PLD5: variants seen among roughly 807,000 people sequenced by gnomAD.
PLD5 encodes the protein phospholipase D family member 5, also known as inactive phospholipase D5.
In PLD5, 36 loss-of-function variants were observed where a neutral mutation model predicts 61.1. The observed-to-expected ratio is 0.59, with a 90% CI of 0.45 to 0.78. The LOEUF is 0.78. PLD5 is among the 30% of genes least tolerant of loss of function. The pLI, the probability that PLD5 is intolerant of heterozygous loss-of-function variation, is 0.00. For synonymous variants in PLD5, 243 were observed against 242.8 expected, an observed-to-expected ratio of 1.00 and a Z score of -0.01; for missense variants, 515 against 644.4, an observed-to-expected ratio of 0.80 and a Z score of 2.17.
At chr1:242,237,011 A>C (rs380005) in intron 4 of PLD5, among the ~76,000 whole-genome samples, 3 of 152,076 alleles carry the variant, frequency 2.0e-5, no homozygotes, top group Non-Finnish European at 2.9e-5. Flanking sequence ...TGTTCTTTTC[A>C]CACAGACAAG....
At chr1:242,494,040 A>G (rs1022201656) in intron 1 of PLD5, among the ~76,000 whole-genome samples, 1 of 150,286 alleles carries the variant, frequency 6.7e-6, no homozygotes, top group Admixed American at 6.6e-5. Flanking sequence ...TTGCCTTTGC[A>G]TTGGTATGCT....
At chr1:242,459,277 T>A (rs1273837718) in intron 1 of PLD5, among the ~76,000 whole-genome samples, 2 of 152,184 alleles carry the variant, frequency 1.3e-5, no homozygotes, top group African/African-American at 4.8e-5. Context: ...ATAATTTAAG[T>A]TTAGACATAA....
At chr1:242,329,045 G>A (rs988485478) in intron 2 of PLD5, among the ~76,000 whole-genome samples, 2 of 150,610 alleles carry the variant, frequency 1.3e-5, no homozygotes, top group African/African-American at 2.4e-5. Flanking sequence ...GTCTCGCTCT[G>A]TCACCCAGGG....
intron 7 of PLD5, among the ~76,000 whole-genome samples, chr1:242,110,104 T>A (rs1038924590): frequency 2.1e-5 from 3 of 145,222 alleles, no homozygotes; most frequent in Admixed American, 7.0e-5. Flanking sequence ...TATTATATTA[T>A]CATAAAGGCC....
At chr1:242,457,063 C>T (rs1430853945) in intron 1 of PLD5, among the ~76,000 whole-genome samples, 2 of 152,286 alleles carry the variant, frequency 1.3e-5, no homozygotes, top group East Asian at 3.9e-4. Context: ...GGTCTCTGGG[C>T]TCCCTGTCAA....
chr1:242,207,784 T>TTATATATA (rs1553324791), intron 5 of PLD5, among the ~76,000 whole-genome samples: 1 of 61,338 alleles, frequency 1.6e-5, no homozygotes, highest in Non-Finnish European at 2.8e-5. Flanking sequence ...TTATATATAT[T>TTATATATA]TATATTTATA....
intron 2 of PLD5, among the ~76,000 whole-genome samples, chr1:242,322,878 A>G (rs914199262): frequency 6.6e-6 from 1 of 152,132 alleles, no homozygotes; most frequent in Non-Finnish European, 1.5e-5. Context: ...ATAGCAGTGG[A>G]CTAATACATA....
chr1:242,182,638 T>C (rs1232773005), intron 5 of PLD5, among the ~76,000 whole-genome samples: 1 of 151,532 alleles, frequency 6.6e-6, no homozygotes, highest in African/African-American at 2.4e-5. Flanking sequence ...AGATCAGGAG[T>C]TCAAGATCAG....
intron 2 of PLD5, among the ~76,000 whole-genome samples, chr1:242,339,722 C>T (rs1476824879): frequency 6.6e-6 from 1 of 152,166 alleles, no homozygotes; most frequent in Non-Finnish European, 1.5e-5. Context: ...AGGAACATCT[C>T]TTCCTCTGAG....
At chr1:242,094,556 A>AT (rs11436471) in intron 9 of PLD5, among the ~76,000 whole-genome samples, 3,280 of 151,708 alleles carry the variant, frequency 0.022, 122 homozygotes, top group African/African-American at 0.074. Context: ...TTATTGATGG[A>AT]TTTTTTTTTC....
At chr1:242,349,041 G>A (rs1013621979) in intron 1 of PLD5, among the ~76,000 whole-genome samples, 18 of 152,120 alleles carry the variant, frequency 1.2e-4, no homozygotes, top group East Asian at 3.8e-4. Context: ...GTGACAGAGC[G>A]AGACTCCATC....
intron 5 of PLD5, among the ~76,000 whole-genome samples, chr1:242,190,267 T>A (rs558521595): frequency 4.8e-5 from 7 of 146,860 alleles, no homozygotes; most frequent in African/African-American, 1.3e-4. Flanking sequence ...TATCTCAGCC[T>A]CCCAAGTAGC....
intron 3 of PLD5, among the ~76,000 whole-genome samples, chr1:242,285,229 T>C (rs1674953644): frequency 6.6e-6 from 1 of 152,232 alleles, no homozygotes; most frequent in South Asian, 2.1e-4. Flanking sequence ...TCTACCTTTC[T>C]ACATCAATAA....
In PLD5 at chr1:242,319,214, G is replaced by A. The variant is rs377743892; in HGVS notation, c.326+28892C>T. On this transcript the variant is annotated intron_variant, in intron 2 of 9. Coordinates refer to ENST00000536534, the MANE Select transcript of PLD5 (RefSeq NM_001372062.1). ...ATTTTGCCAGGGAGAGAATCCCAGA[G>A]CTTCAATTATAACATTATCAACACA... 8.5e-5 allele frequency among the ~76,000 whole-genome samples: 13 copies of A among 152,056 alleles called. No individual in the cohort carries two copies. In the East Asian group the frequency reaches 2.3e-3, roughly 27 times the overall value.
intron 1 of PLD5, among the ~76,000 whole-genome samples, chr1:242,383,386 C>T (rs1662414506): frequency 1.3e-5 from 2 of 151,888 alleles, no homozygotes. Flanking sequence ...TTGTCTATGT[C>T]CTCATTTTTA....
intron 5 of PLD5, among the ~76,000 whole-genome samples, chr1:242,170,017 T>G (rs1666628658): frequency 6.6e-6 from 1 of 152,222 alleles, no homozygotes; most frequent in Non-Finnish European, 1.5e-5. Flanking sequence ...TTCAACAGAC[T>G]TAAACGCCCC....
intron 1 of PLD5, among the ~76,000 whole-genome samples, chr1:242,520,330 TC>T (rs1332703020): frequency 2.0e-5 from 3 of 152,194 alleles, no homozygotes; most frequent in African/African-American, 7.2e-5. Flanking sequence ...AAGTATACTT[TC>T]GTGGTGTCCG....
At chr1:242,283,567 A>T (rs913911112) in intron 3 of PLD5, among the ~76,000 whole-genome samples, 5 of 152,218 alleles carry the variant, frequency 3.3e-5, no homozygotes, top group African/African-American at 1.2e-4. Context: ...AAAAAAATTA[A>T]TGAAAAAGAA....
In PLD5 at chr1:242,089,135, A is replaced by G. The variant is rs1659622015; in HGVS notation, c.*719T>C. 6 of 391,740 alleles carry G rather than the reference A, an allele frequency of 1.5e-5. No individual in the cohort carries two copies. The highest frequency in any genetic ancestry group is 2.3e-5 in the Non-Finnish European group (5 of 222,206). The allele number at this position is 391,740 out of a possible 1,614,324, so 24.3% of individuals were successfully genotyped here. On this transcript the variant is annotated 3_prime_UTR_variant, in exon 10 of 10. Coordinates refer to ENST00000536534, the MANE Select transcript of PLD5 (RefSeq NM_001372062.1). ...AAAAAAGGATTCAGTTGAAAGGTGA[A>G]AATGAAAGACTGCTATTTCCACTTA...
Sources: gnomAD v4.1 joint callset for allele counts (sites outside exome capture counted in the v4.1 genomes callset) on GRCh38, gnomAD v4.1.1 for gene constraint, MANE v1.5 for transcripts, NCBI Gene and HGNC (gene_info 2026-07-23, HGNC 2026-07-21) for gene names.